Variants in PPP4R1 observed in about 807,000 individuals in gnomAD.
The protein encoded by PPP4R1 is protein phosphatase 4 regulatory subunit 1, also known as serine/threonine-protein phosphatase 4 regulatory subunit 1.
Under a neutral mutation model 111.2 loss-of-function variants are expected in PPP4R1, and 42 were observed. That is an observed-to-expected ratio of 0.38 (90% CI 0.29 to 0.49). PPP4R1 has a LOEUF of 0.49. Ranked by LOEUF, PPP4R1 falls within the 20% of genes least tolerant of loss-of-function variation. The probability of loss-of-function intolerance (pLI) is 0.97; values close to 1 mark genes in which losing one functional copy is unlikely to be tolerated. For missense variants in PPP4R1, 1,012 were observed against 1,161.6 expected (o/e 0.87, Z 1.87); for synonymous variants, 409 against 405.5 (o/e 1.01, Z -0.10).
rs150432332 is a variant in PPP4R1, at chr18:9,580,760, C to T, written c.918+2357G>A. On this transcript the variant is annotated intron_variant, in intron 9 of 19. Transcript: ENST00000400556. ...CGCAGCTCCCGGGCACAGGCTGCAT[C>T]GCTCCAGCTACCTGATGCTGAGGTC... is the stretch of plus-strand genomic sequence containing the variant. Among the ~76,000 whole-genome samples the T allele has an allele frequency of 5.3e-3, 813 of 152,306 alleles. 5 individuals are homozygous for T. The highest frequency in any genetic ancestry group is 0.015 in the East Asian group (76 of 5,178).
Position 9,559,587 on chromosome 18 carries a change from C to T in PPP4R1, c.1860G>A (p.Ala620=), listed in dbSNP as rs371842374. 27 of 1,600,558 alleles carry T rather than the reference C, an allele frequency of 1.7e-5. No individual in the cohort carries two copies. The African/African-American group carries it at 2.9e-4, about 17-fold the overall frequency. The change falls in exon 14 of 20, where the codon GCG becomes GCA. Residue 620 remains alanine (A), a synonymous_variant. Transcript: ENST00000400556. ...TCATAGATAAATACTGATCTAACAA[C>T]GCCTGAGGTACAACATCCTAATGGA... ...RTKVQDVVPQ[A]LLDQYLSMTD... is the part of the protein sequence containing the mutation.
chr18:9,580,716 A>G (rs1228642607), intron 9 of PPP4R1, among the ~76,000 whole-genome samples: 1 of 152,130 alleles, frequency 6.6e-6, no homozygotes, highest in Non-Finnish European at 1.5e-5. Context: ...GTAGCCAAGC[A>G]CACTGGGGTC....
At chr18:9,573,817 C>T (rs148317563) in intron 10 of PPP4R1, among the ~76,000 whole-genome samples, 207 of 152,118 alleles carry the variant, frequency 1.4e-3, no homozygotes, top group African/African-American at 4.8e-3. Context: ...CAAAAATGAA[C>T]GGAGAATGAC....
chr18:9,596,175 G>A (rs1428157901), intron 2 of PPP4R1, among the ~76,000 whole-genome samples: 10 of 152,192 alleles, frequency 6.6e-5, no homozygotes, highest in Admixed American at 5.2e-4. Flanking sequence ...AGAAGACAGA[G>A]TTGCACATGG....
chr18:9,572,867 T>C (rs1264200744), intron 10 of PPP4R1, among the ~76,000 whole-genome samples: 4 of 152,240 alleles, frequency 2.6e-5, no homozygotes, highest in African/African-American at 9.6e-5. Context: ...TTCTTATAAC[T>C]ACAAAATATA....
intron 2 of PPP4R1, among the ~76,000 whole-genome samples, chr18:9,597,589 A>G (rs2067310542): frequency 6.6e-6 from 1 of 152,314 alleles, no homozygotes; most frequent in African/African-American, 2.4e-5. Flanking sequence ...TATGTCTCCA[A>G]CAACAAAAAT....
Position 9,570,427 on chromosome 18 carries a change from G to T in PPP4R1, c.1303C>A (p.Arg435=), listed in dbSNP as rs1435645105. ...KKPGNYKSML[R]PEVGTTSQDS... Reference sequence around the variant, plus strand: ...TGTGAAGTGGTGCCAACCTCTGGTCGTAACATAGATTTGTAGTTACCAGGT... The same window carrying T: ...TGTGAAGTGGTGCCAACCTCTGGTCTTAACATAGATTTGTAGTTACCAGGT... Residue 435 remains arginine, a synonymous_variant, in exon 11 of 20, where the codon CGA becomes AGA. Transcript: ENST00000400556. The T allele has an allele frequency of 4.3e-6, 7 of 1,614,142 alleles. No individual in the cohort carries two copies. In the South Asian group the frequency reaches 7.7e-5, roughly 18 times the overall value.
chr18:9,574,187 T>C (rs1209065769), intron 10 of PPP4R1, among the ~76,000 whole-genome samples: 1 of 152,198 alleles, frequency 6.6e-6, no homozygotes, highest in Non-Finnish European at 1.5e-5. Flanking sequence ...CTAAGAGACG[T>C]AGGTATCAAG....
At chr18:9,581,168 CA>C (rs56258469) in intron 9 of PPP4R1, among the ~76,000 whole-genome samples, 64,508 of 138,144 alleles carry the variant, frequency 0.47, 14,734 homozygotes, top group Non-Finnish European at 0.55. Flanking sequence ...ACAAGGCAGG[CA>C]AAAAAAAAAA....
chr18:9,550,219 G>A (rs1213398636), intron 17 of PPP4R1, 33 bp from the exon 18 acceptor site: 2 of 1,614,062 alleles, frequency 1.2e-6, no homozygotes, highest in African/African-American at 2.7e-5. Flanking sequence ...ATGAGGAACA[G>A]CTTCCATTCT....
chr18:9,611,564 G>T (rs1490595968), intron 2 of PPP4R1, among the ~76,000 whole-genome samples: 2 of 152,136 alleles, frequency 1.3e-5, no homozygotes, highest in Admixed American at 1.3e-4. Flanking sequence ...AATATTCTGG[G>T]TAAAGGTATC....
chr18:9,554,190 G>C (rs2144992478), intron 15 of PPP4R1, among the ~76,000 whole-genome samples: 1 of 151,384 alleles, frequency 6.6e-6, no homozygotes, highest in South Asian at 2.1e-4. Flanking sequence ...TGCAGTGGCG[G>C]GATCTCGGCT....
intron 2 of PPP4R1, among the ~76,000 whole-genome samples, chr18:9,601,601 T>C (rs2067384024): frequency 1.3e-5 from 2 of 152,168 alleles, no homozygotes; most frequent in South Asian, 4.1e-4. Context: ...CAAGCAATTC[T>C]TATGCCTCAG....
intron 11 of PPP4R1, among the ~76,000 whole-genome samples, chr18:9,565,406 AAC>A (rs2066749604): frequency 6.6e-6 from 1 of 152,224 alleles, no homozygotes; most frequent in East Asian, 1.9e-4. Context: ...AAGGAAGAAT[AAC>A]ATGTCTCTCA....
chr18:9,591,183 A>G (rs1340197270), intron 4 of PPP4R1, among the ~76,000 whole-genome samples: 1 of 151,970 alleles, frequency 6.6e-6, no homozygotes, highest in African/African-American at 2.4e-5. Flanking sequence ...TCCCATCTCT[A>G]CTAAAAATAC....
Position 9,550,403 on chromosome 18 carries a change from A to C in PPP4R1, c.2292-5T>G. On this transcript the variant is annotated splice_region_variant and splice_polypyrimidine_tract_variant and intron_variant, in intron 16 of 19. Transcript: ENST00000400556. The stretch of plus-strand genomic sequence containing the variant: ...TCTAGAAGTAAAATCAGCTGTCTAC[A>C]AAAAGGAATTACAAAAAGACAATGT... The C allele has an allele frequency of 6.3e-7, 1 of 1,575,760 alleles. No homozygotes were observed. The highest frequency in any genetic ancestry group is 1.9e-5 in the Admixed American group (1 of 52,616).
intron 10 of PPP4R1, among the ~76,000 whole-genome samples, chr18:9,575,770 G>A (rs907956455): frequency 7.2e-5 from 11 of 152,120 alleles, no homozygotes; most frequent in African/African-American, 2.4e-4. Flanking sequence ...CTTATACACT[G>A]CAAAGGCCGA....
At chr18:9,555,158 T>C (rs962575278) in intron 15 of PPP4R1, among the ~76,000 whole-genome samples, 5 of 151,892 alleles carry the variant, frequency 3.3e-5, no homozygotes, top group Admixed American at 1.3e-4. Context: ...CAAAACTCAG[T>C]TGGGCGTGGT....
chr18:9,615,708 G>A (rs1268067976), upstream of PPP4R1, among the ~76,000 whole-genome samples: 7 of 152,188 alleles, frequency 4.6e-5, no homozygotes, highest in Non-Finnish European at 2.9e-5. Context: ...GCTGTGTCAT[G>A]GTGCCACTTT....
Sources: gnomAD v4.1 joint callset for allele counts (sites outside exome capture counted in the v4.1 genomes callset) on GRCh38, gnomAD v4.1.1 for gene constraint, MANE v1.5 for transcripts, NCBI Gene and HGNC (gene_info 2026-07-23, HGNC 2026-07-21) for gene names.